The following RALYL variants were observed in gnomAD, a reference collection of about 807,000 sequenced individuals.
RALYL encodes RALY RNA binding protein like.
In RALYL, 29 loss-of-function variants were observed where a neutral mutation model predicts 35.1. That is an observed-to-expected ratio of 0.83 (90% CI 0.61 to 1.13). The LOEUF is 1.13. RALYL is among the 50% of genes most tolerant of loss of function. RALYL has a pLI of 0.00. For missense variants in RALYL, 359 were observed against 360.4 expected (o/e 1.00, Z 0.03); for synonymous variants, 120 against 127.6 (o/e 0.94, Z 0.40).
At chr8:84,191,421 G>A (rs1813845920) in intron 1 of RALYL, among the ~76,000 whole-genome samples, 2 of 152,032 alleles carry the variant, frequency 1.3e-5, no homozygotes, top group Non-Finnish European at 1.5e-5. Context: ...AATCTTCAAA[G>A]CAATGTCTTT....
intron 1 of RALYL, among the ~76,000 whole-genome samples, chr8:84,483,569 C>T (rs181317661): frequency 1.2e-4 from 19 of 152,150 alleles, no homozygotes; most frequent in African/African-American, 4.6e-4. Context: ...AAATAATGTA[C>T]CTTTGTCCTT....
chr8:84,628,447 G>A (rs760952170), intron 2 of RALYL, among the ~76,000 whole-genome samples: 3 of 151,942 alleles, frequency 2.0e-5, no homozygotes, highest in Non-Finnish European at 4.4e-5. Flanking sequence ...TATTTCCCTT[G>A]TTAGAATATA....
At chr8:84,693,835 A>G in intron 2 of RALYL, among the ~76,000 whole-genome samples, 1 of 151,972 alleles carries the variant, frequency 6.6e-6, no homozygotes, top group East Asian at 1.9e-4. Context: ...AATGTGATTC[A>G]CCGTATTAAC....
chr8:84,392,745 A>G (rs1053715697), intron 1 of RALYL, among the ~76,000 whole-genome samples: 9 of 152,040 alleles, frequency 5.9e-5, no homozygotes, highest in South Asian at 2.1e-4. Context: ...ACAATGGGTG[A>G]ATCTTTTGTA....
chr8:84,730,474 C>G (rs1435017198), intron 2 of RALYL, among the ~76,000 whole-genome samples: 3 of 151,070 alleles, frequency 2.0e-5, no homozygotes, highest in Non-Finnish European at 4.4e-5. Flanking sequence ...AAAACTGGCA[C>G]AAGACAGGGA....
chr8:84,262,868 T>G (rs910384757), intron 1 of RALYL, among the ~76,000 whole-genome samples: 1 of 152,096 alleles, frequency 6.6e-6, no homozygotes, highest in Non-Finnish European at 1.5e-5. Flanking sequence ...CTTTTATACA[T>G]CTATGTGTGG....
chr8:84,440,540 G>A (rs2048220385), intron 1 of RALYL, among the ~76,000 whole-genome samples: 1 of 152,046 alleles, frequency 6.6e-6, no homozygotes, highest in African/African-American at 2.4e-5. Flanking sequence ...CCAGCCCATA[G>A]TAATGACTGA....
intron 4 of RALYL, among the ~76,000 whole-genome samples, chr8:84,843,595 T>C (rs1055128378): frequency 6.6e-6 from 1 of 152,192 alleles, no homozygotes; most frequent in African/African-American, 2.4e-5. Context: ...AATGACTTTC[T>C]TCACAGAATT....
intron 1 of RALYL, among the ~76,000 whole-genome samples, chr8:84,457,602 C>CT (rs1388696261): frequency 6.6e-6 from 1 of 151,786 alleles, no homozygotes; most frequent in Non-Finnish European, 1.5e-5. Context: ...ATGTATAACA[C>CT]TTTTTGGCTT....
chr8:84,728,607 G>A (rs966682067), intron 2 of RALYL, among the ~76,000 whole-genome samples: 2 of 152,110 alleles, frequency 1.3e-5, no homozygotes, highest in African/African-American at 4.8e-5. Flanking sequence ...TATGGTTTTA[G>A]GTGTGAGGTT....
At chr8:84,438,410 A>G in intron 1 of RALYL, among the ~76,000 whole-genome samples, 1 of 151,180 alleles carries the variant, frequency 6.6e-6, no homozygotes, top group Non-Finnish European at 1.5e-5. Context: ...TTATTTAGAG[A>G]CAGGGTCTCA....
intron 2 of RALYL, among the ~76,000 whole-genome samples, chr8:84,705,384 C>G (rs778606141): frequency 1.3e-5 from 2 of 152,070 alleles, no homozygotes; most frequent in African/African-American, 2.4e-5. Context: ...ACTCAACAAG[C>G]CTGAGAACCT....
At chr8:84,719,382 A>G (rs1365365963) in intron 2 of RALYL, among the ~76,000 whole-genome samples, 6 of 152,068 alleles carry the variant, frequency 3.9e-5, no homozygotes, top group Non-Finnish European at 7.4e-5. Context: ...TTTTATATTC[A>G]CAGATGTGTA....
chr8:84,508,241 C>CTCA (rs2057333807), intron 1 of RALYL, among the ~76,000 whole-genome samples: 1 of 152,076 alleles, frequency 6.6e-6, no homozygotes, highest in Non-Finnish European at 1.5e-5. Flanking sequence ...AGGATAAACA[C>CTCA]TCATCCCCCT....
chr8:84,282,716 G>T (rs1836817715), intron 1 of RALYL, among the ~76,000 whole-genome samples: 1 of 147,878 alleles, frequency 6.8e-6, no homozygotes, highest in Admixed American at 7.0e-5. Context: ...ATATATATGT[G>T]TGTATATATA....
At chr8:84,257,381 T>G (rs1217968249) in intron 1 of RALYL, among the ~76,000 whole-genome samples, 2 of 152,078 alleles carry the variant, frequency 1.3e-5, no homozygotes, top group Non-Finnish European at 2.9e-5. Flanking sequence ...ATTTCATTGT[T>G]TTTGACTACT....
chr8:84,313,577 G>A (rs1345140170), intron 1 of RALYL, among the ~76,000 whole-genome samples: 13 of 152,052 alleles, frequency 8.5e-5, no homozygotes, highest in South Asian at 2.1e-4. Flanking sequence ...TTTCTTCTGC[G>A]AGATACCCTA....
At chr8:84,212,120 C>T (rs1321906357) in intron 1 of RALYL, among the ~76,000 whole-genome samples, 1 of 152,050 alleles carries the variant, frequency 6.6e-6, no homozygotes, top group East Asian at 1.9e-4. Flanking sequence ...GATGAAAATG[C>T]AGTTGAGTAT....
chr8:84,781,092 A>G (rs1586201024), intron 3 of RALYL, among the ~76,000 whole-genome samples: 2 of 152,062 alleles, frequency 1.3e-5, no homozygotes, highest in African/African-American at 4.8e-5. Flanking sequence ...CAAACTCCCA[A>G]GCTTAAGCAA....
Sources: allele counts gnomAD v4.1 joint callset (sites outside exome capture counted in the v4.1 genomes callset), GRCh38; gene constraint gnomAD v4.1.1; transcripts MANE v1.5; gene names NCBI Gene and HGNC (gene_info 2026-07-23, HGNC 2026-07-21).